ANK3: variants seen among roughly 807,000 people sequenced by gnomAD.
ANK3 encodes the protein ankyrin-3.
ANK3 carries 57 observed loss-of-function variants against 370.9 expected under a neutral mutation model. That is an observed-to-expected ratio of 0.15 (90% CI 0.12 to 0.19). The LOEUF (loss-of-function observed/expected upper bound fraction) is 0.19. ANK3 is among the 10% of genes least tolerant of loss of function. ANK3 has a pLI of 1.00. For missense variants in ANK3, 4,439 were observed against 5,302.1 expected (o/e 0.84, Z 5.06); for synonymous variants, 1,929 against 1,946.3 (o/e 0.99, Z 0.23).
At chr10:60,633,272 A>G (rs915114565) in intron 1 of ANK3, among the ~76,000 whole-genome samples, 1 of 152,210 alleles carries the variant, frequency 6.6e-6, no homozygotes, top group African/African-American at 2.4e-5. Flanking sequence ...ATTGCATGCA[A>G]TAATTGCACA....
At chr10:60,045,346 T>TTAAC (rs2076775256) in intron 42 of ANK3, among the ~76,000 whole-genome samples, 1 of 152,230 alleles carries the variant, frequency 6.6e-6, no homozygotes, top group South Asian at 2.1e-4. Context: ...GAATACATTC[T>TTAAC]TAACTCTCCA....
At chr10:60,420,171 A>G (rs1567025524) in intron 2 of ANK3, among the ~76,000 whole-genome samples, 1 of 152,108 alleles carries the variant, frequency 6.6e-6, no homozygotes, top group Non-Finnish European at 1.5e-5. Context: ...TGTCTGGAGC[A>G]CTCACCTAAC....
chr10:60,123,416 T>C (rs2093602783), intron 25 of ANK3, among the ~76,000 whole-genome samples: 1 of 152,098 alleles, frequency 6.6e-6, no homozygotes, highest in South Asian at 2.1e-4. Flanking sequence ...ACACTGGCCT[T>C]ACAAACAAGG....
intron 8 of ANK3, among the ~76,000 whole-genome samples, chr10:60,224,252 T>C (rs960483944): frequency 6.6e-6 from 1 of 152,156 alleles, no homozygotes; most frequent in Non-Finnish European, 1.5e-5. Flanking sequence ...TCCAATTCCC[T>C]TGATTTTTAA....
chr10:60,251,886 TC>T (rs2097672224), intron 7 of ANK3, among the ~76,000 whole-genome samples: 1 of 152,172 alleles, frequency 6.6e-6, no homozygotes, highest in South Asian at 2.1e-4. Flanking sequence ...CTGAGCCCCT[TC>T]CCCACCGGGC....
intron 28 of ANK3, among the ~76,000 whole-genome samples, chr10:60,104,714 G>A (rs566240667): frequency 1.3e-5 from 2 of 152,208 alleles, no homozygotes; most frequent in Admixed American, 6.5e-5. Context: ...ATTCATGGTT[G>A]GTGGCGATTG....
intron 1 of ANK3, among the ~76,000 whole-genome samples, chr10:60,346,502 C>A (rs892997849): frequency 2.0e-5 from 3 of 152,036 alleles, no homozygotes; most frequent in Non-Finnish European, 2.9e-5. Flanking sequence ...TATTATTTTT[C>A]CTACTAAATT....
intron 2 of ANK3, among the ~76,000 whole-genome samples, chr10:60,511,129 A>C (rs919050252): frequency 6.6e-6 from 1 of 152,200 alleles, no homozygotes; most frequent in African/African-American, 2.4e-5. Context: ...ATATCACTTG[A>C]ACACCGGTAT....
In ANK3 at chr10:60,559,435, C is replaced by T. The variant is rs192592314; in HGVS notation, c.96+55751G>A. Among the ~76,000 whole-genome samples, 6 of 152,244 alleles carry T rather than the reference C, an allele frequency of 3.9e-5. No individual in the cohort carries two copies. In the East Asian group the frequency reaches 9.7e-4, roughly 25 times the overall value. ...AATTCCATCCAAGTTGCCGTGAATG[C>T]CATTATTTCATTCATTTTTATGAAT... On this transcript the variant is annotated intron_variant, in intron 2 of 43. Coordinates refer to the ANK3 transcript ENST00000373827.
intron 1 of ANK3, among the ~76,000 whole-genome samples, chr10:60,333,896 T>C (rs763177952): frequency 1.3e-5 from 2 of 152,150 alleles, no homozygotes; most frequent in African/African-American, 4.8e-5. Context: ...TGAAAACACA[T>C]ATTATCCTGT....
At chr10:60,661,813 C>T (rs1032961412) in intron 1 of ANK3, among the ~76,000 whole-genome samples, 2 of 152,136 alleles carry the variant, frequency 1.3e-5, no homozygotes, top group Admixed American at 6.5e-5. Context: ...CCTGAGCACC[C>T]TCATCTTCAT....
chr10:60,168,420 T>C (rs2095683053), intron 21 of ANK3, among the ~76,000 whole-genome samples: 1 of 152,224 alleles, frequency 6.6e-6, no homozygotes, highest in African/African-American at 2.4e-5. Flanking sequence ...TTCATTTTTC[T>C]TTAGTTTCTG....
At chr10:60,077,373 T>C (rs2084074746) in intron 36 of ANK3, among the ~76,000 whole-genome samples, 1 of 152,096 alleles carries the variant, frequency 6.6e-6, no homozygotes, top group Admixed American at 6.5e-5. Context: ...GCAAAGCAAC[T>C]GAAAACATTT....
intron 28 of ANK3, among the ~76,000 whole-genome samples, chr10:60,098,945 A>G (rs998379345): frequency 3.3e-5 from 5 of 152,218 alleles, no homozygotes; most frequent in Admixed American, 2.6e-4. Flanking sequence ...TTAGCAGTCT[A>G]TTAATATAAT....
chr10:60,127,052 A>G (rs1397385507), intron 25 of ANK3, among the ~76,000 whole-genome samples: 1 of 152,250 alleles, frequency 6.6e-6, no homozygotes, highest in Non-Finnish European at 1.5e-5. Flanking sequence ...GGTTGAATCC[A>G]GCTCAAATGA....
intron 28 of ANK3, among the ~76,000 whole-genome samples, chr10:60,097,674 T>C (rs147397112): frequency 4.0e-4 from 61 of 152,292 alleles, no homozygotes; most frequent in African/African-American, 1.4e-3. Context: ...CAAATGACCA[T>C]CTTGATTAGT....
At chr10:60,413,852 C>T (rs1031563083) in intron 2 of ANK3, among the ~76,000 whole-genome samples, 5 of 151,910 alleles carry the variant, frequency 3.3e-5, no homozygotes, top group African/African-American at 1.2e-4. Flanking sequence ...AAAAAATTAG[C>T]TGGGTGTGGT....
intron 2 of ANK3, among the ~76,000 whole-genome samples, chr10:60,502,644 A>G (rs529047324): frequency 1.3e-3 from 193 of 151,808 alleles, no homozygotes; most frequent in Non-Finnish European, 2.1e-3. Flanking sequence ...TGTGCCTGTG[A>G]ATAGCCACTG....
rs72388493 is a variant in ANK3, at chr10:60,235,550, GTTTTTT to G, written c.799-770_799-765del. 1.0e-2 allele frequency among the ~76,000 whole-genome samples: 1,149 copies of G among 115,076 alleles called. 3 individuals are homozygous for G. The highest frequency in any genetic ancestry group is 0.038 in the South Asian group (134 of 3,566). 75.5% of individuals were successfully genotyped at this position (115,076 alleles called of 152,430 possible). On this transcript the variant is annotated intron_variant, in intron 7 of 43. Transcript: ENST00000280772. Reference sequence around the variant, plus strand: ...ATCAAAAACAATTCCCTGATTTCTTGTTTTTTTTTTTTTTTTTTTTTTTTTTCTTTT... The same window carrying G: ...ATCAAAAACAATTCCCTGATTTCTTGTTTTTTTTTTTTTTTTTTTTCTTTT...
Sources: gnomAD v4.1 joint callset for allele counts (sites outside exome capture counted in the v4.1 genomes callset) on GRCh38, gnomAD v4.1.1 for gene constraint, MANE v1.5 for transcripts, NCBI Gene and HGNC (gene_info 2026-07-23, HGNC 2026-07-21) for gene names.